CNOT4: variants seen among roughly 807,000 people sequenced by gnomAD.
CNOT4 encodes CCR4-associated factor 4.
A neutral mutation model predicts 73.8 loss-of-function variants in CNOT4; 8 were observed. The observed-to-expected ratio is 0.11, with a 90% CI of 0.06 to 0.20. The LOEUF is 0.20. CNOT4 is among the 10% of genes least tolerant of loss of function. The pLI is 1.00. For missense variants in CNOT4, 564 were observed against 883.4 expected (o/e 0.64, Z 4.58); for synonymous variants, 293 against 321.1 (o/e 0.91, Z 0.94).
intron 7 of CNOT4, among the ~76,000 whole-genome samples, chr7:135,407,052 T>C (rs1020431627): frequency 2.0e-5 from 3 of 152,238 alleles, no homozygotes; most frequent in Non-Finnish European, 4.4e-5. Context: ...CCCTTGGTGA[T>C]GAGTAAGCTC....
intron 10 of CNOT4, chr7:135,388,664 G>A (rs1796245161): frequency 7.4e-7 from 1 of 1,347,584 alleles, no homozygotes; most frequent in South Asian, 2.2e-5. Context: ...GCTAGCTGTA[G>A]GCATGAGGAA....
chr7:135,449,646 ATATGAAGAGAAAAT>A (rs1800044528), intron 1 of CNOT4, among the ~76,000 whole-genome samples: 1 of 152,204 alleles, frequency 6.6e-6, no homozygotes, highest in Non-Finnish European at 1.5e-5. Flanking sequence ...TATCTTCAAG[ATATGAAGAGAAAAT>A]TACTGTCAAC....
intron 8 of CNOT4, among the ~76,000 whole-genome samples, chr7:135,396,905 G>T (rs1182422291): frequency 6.6e-6 from 1 of 152,024 alleles, no homozygotes; most frequent in African/African-American, 2.4e-5. Context: ...ATTAAGAGAT[G>T]AATTTTCAAT....
At chr7:135,499,821 T>A (rs980707067) in intron 1 of CNOT4, among the ~76,000 whole-genome samples, 1 of 152,020 alleles carries the variant, frequency 6.6e-6, no homozygotes, top group South Asian at 2.1e-4. Flanking sequence ...ACAATGGATA[T>A]CTCAACTCAA....
At chr7:135,495,726 G>A (rs371662211) in intron 1 of CNOT4, among the ~76,000 whole-genome samples, 1 of 103,442 alleles carries the variant, frequency 9.7e-6, no homozygotes, top group Non-Finnish European at 2.1e-5. Context: ...AAGAAAGAAA[G>A]AAAGAAAGAA....
intron 7 of CNOT4, among the ~76,000 whole-genome samples, chr7:135,403,610 AAAAAT>A (rs1433214838): frequency 6.6e-6 from 1 of 152,186 alleles, no homozygotes; most frequent in African/African-American, 2.4e-5. Context: ...TAAAAAATAA[AAAAAT>A]AAAATAAAAA....
chr7:135,434,669 A>G (rs2551774), intron 2 of CNOT4, among the ~76,000 whole-genome samples: 94,964 of 152,002 alleles, frequency 0.62, 29,889 homozygotes, highest in East Asian at 0.76. Flanking sequence ...AACTGACACC[A>G]AAATCTGTAT....
At chr7:135,459,407 C>G (rs1479822958) in intron 1 of CNOT4, among the ~76,000 whole-genome samples, 1 of 152,138 alleles carries the variant, frequency 6.6e-6, no homozygotes, top group Admixed American at 6.6e-5. Flanking sequence ...CACAATTGAT[C>G]GTTAAGTCTA....
At chr7:135,405,322 G>T (rs1797219274) in intron 7 of CNOT4, among the ~76,000 whole-genome samples, 1 of 152,046 alleles carries the variant, frequency 6.6e-6, no homozygotes, top group African/African-American at 2.4e-5. Context: ...GCTTGTTTCA[G>T]CCACAATATC....
intron 1 of CNOT4, among the ~76,000 whole-genome samples, chr7:135,477,196 A>G (rs1320843543): frequency 6.6e-6 from 1 of 152,030 alleles, no homozygotes; most frequent in Non-Finnish European, 1.5e-5. Context: ...TACAAAAATT[A>G]GCCAGGCATG....
At position 135,364,386 on chromosome 7, in the gene CNOT4, C is replaced by T. The variant is rs998692269; in HGVS notation, c.1628-320G>A. ...CCAGAGCACAATTTAGTTCCAGCTA[C>T]ATTATGAAGTTTCACTTAGTGAGGC... is the stretch of plus-strand genomic sequence containing the variant. On this transcript the variant is annotated intron_variant, in intron 10 of 11. Transcript: ENST00000541284. This position sits in a 1 kb window ranked among gnomAD's most constrained non-coding sequence, Gnocchi z 4.3. 2.0e-5 allele frequency among the ~76,000 whole-genome samples: 3 copies of T among 152,188 alleles called. No individual in the cohort carries two copies. The highest frequency in any genetic ancestry group is 7.2e-5 in the African/African-American group (3 of 41,436).
In CNOT4 at chr7:135,486,485, A is replaced by G. The variant is rs138476377; in HGVS notation, c.-93+23404T>C. Among the ~76,000 whole-genome samples the G allele has an allele frequency of 4.8e-3, 726 of 152,354 alleles. 5 individuals are homozygous for G. Among genetic ancestry groups the G allele is most frequent in the African/African-American group, 0.017 (703 of 41,582 alleles). ...GCAAAATTGTACTCACATACTGGAA[A>G]ATACTTTACCAGTTTCTTTGAAAAC... On this transcript the variant is annotated intron_variant, in intron 1 of 11. Transcript: ENST00000541284.
intron 10 of CNOT4, among the ~76,000 whole-genome samples, chr7:135,368,366 T>C (rs1795022031): frequency 6.6e-6 from 1 of 152,230 alleles, no homozygotes; most frequent in East Asian, 1.9e-4. Flanking sequence ...ACCACCAAGC[T>C]AAAAATCAAA....
rs1416010093 is a variant in CNOT4 at position 135,410,590 on chromosome 7, G to T, written c.746C>A (p.Pro249His). ...KLLQELYKLN[P>H]NFLQLSTGSV... ...ACCCGTAGATAGCTGAAGAAAATTG[G>T]GATTTAATTTATATAATTCTTGAAG... The change falls in exon 7 of 12, where the codon CCC becomes CAC. Residue 249 changes from proline to histidine, a missense_variant. Physicochemically the swap from Pro to His is moderately conservative, Grantham distance 77. Coordinates refer to ENST00000541284, the MANE Select transcript of CNOT4 (RefSeq NM_001190850.2). 1.3e-6 allele frequency: 2 copies of T among 1,590,570 alleles called. No homozygotes were observed. The highest frequency in any genetic ancestry group is 1.8e-5 in the Admixed American group (1 of 57,068).
At chr7:135,375,445 A>C (rs1444010587) in intron 10 of CNOT4, among the ~76,000 whole-genome samples, 2 of 152,334 alleles carry the variant, frequency 1.3e-5, no homozygotes, top group Admixed American at 6.5e-5. Context: ...CCTACCTAGC[A>C]AAGTACGAAG....
At chr7:135,373,015 A>G (rs1282500172) in intron 10 of CNOT4, among the ~76,000 whole-genome samples, 1 of 152,238 alleles carries the variant, frequency 6.6e-6, no homozygotes, top group African/African-American at 2.4e-5. Context: ...TATAAAGAAA[A>G]GAAAATTAGA....
At position 135,506,877 on chromosome 7, in the gene CNOT4, G is replaced by A. The variant is rs992333548; in HGVS notation, c.-93+3012C>T. Among the ~76,000 whole-genome samples the A allele has an allele frequency of 5.3e-5, 8 of 151,424 alleles. No homozygotes were observed. The South Asian group carries it at 1.5e-3, about 28-fold the overall frequency. ...AAAAAGAAAAGAAAAGAAAAAGAAAGAAAAGAAAATTTAATATTTTTCTCA... is the reference window on the plus strand; with the variant it reads ...AAAAAGAAAAGAAAAGAAAAAGAAAAAAAAGAAAATTTAATATTTTTCTCA... On this transcript the variant is annotated intron_variant, in intron 1 of 11. Coordinates refer to ENST00000541284, the MANE Select transcript of CNOT4 (RefSeq NM_001190850.2).
At chr7:135,504,759 T>A (rs951337995) in intron 1 of CNOT4, among the ~76,000 whole-genome samples, 1 of 97,186 alleles carries the variant, frequency 1.0e-5, no homozygotes, top group East Asian at 2.7e-4. Context: ...GTGCTGGGAT[T>A]ACAGGCGTGA....
At chr7:135,403,329 TTTAAG>T (rs1403024481) in intron 7 of CNOT4, among the ~76,000 whole-genome samples, 1 of 152,254 alleles carries the variant, frequency 6.6e-6, no homozygotes, top group Non-Finnish European at 1.5e-5. Context: ...AAAGGATATA[TTTAAG>T]TTATCAACAG....
Sources: allele counts gnomAD v4.1 joint callset (sites outside exome capture counted in the v4.1 genomes callset), GRCh38; gene constraint gnomAD v4.1.1; non-coding constraint Gnocchi (gnomAD v3.1); transcripts MANE v1.5; gene names NCBI Gene and HGNC (gene_info 2026-07-23, HGNC 2026-07-21).